The following SRGAP1 variants were observed in gnomAD, a reference collection of about 807,000 sequenced individuals.
SRGAP1 encodes SLIT-ROBO Rho GTPase activating protein 1, also known as SLIT-ROBO Rho GTPase-activating protein 1.
SRGAP1 carries 43 observed loss-of-function variants against 121.9 expected under a neutral mutation model. That is an observed-to-expected ratio of 0.35 (90% CI 0.28 to 0.46). SRGAP1 has a LOEUF of 0.46. SRGAP1 is among the 20% of genes least tolerant of loss of function. The pLI, the probability that SRGAP1 is intolerant of heterozygous loss-of-function variation, is 1.00. For missense variants in SRGAP1, 1,102 were observed against 1,350.9 expected, an observed-to-expected ratio of 0.82 and a Z score of 2.89; for synonymous variants, 447 against 485.4, an observed-to-expected ratio of 0.92 and a Z score of 1.04.
At chr12:64,136,374 A>G (rs2036856083) in intron 21 of SRGAP1, among the ~76,000 whole-genome samples, 1 of 152,148 alleles carries the variant, frequency 6.6e-6, no homozygotes, top group East Asian at 1.9e-4. Flanking sequence ...CTCCAAATAT[A>G]TGTATGTTTA....
chr12:64,094,969 G>GTA lies in SRGAP1; in HGVS notation c.1579_1580dup (p.Arg528PhefsTer54). ...GTTATTCCCCTCATTGTGGAAAGCT[G>GTA]TATTCGGTTCATCAATCTCTATGGT... On this transcript the variant is annotated frameshift_variant, in exon 13 of 22. Transcript: ENST00000355086. LOFTEE classifies it high-confidence loss of function. 6.2e-7 allele frequency: 1 copy of GTA among 1,614,106 alleles called. No individual in the cohort carries two copies. Among genetic ancestry groups the GTA allele is most frequent in the Non-Finnish European group, 8.5e-7 (1 of 1,179,986 alleles).
At chr12:63,928,855 C>A (rs2031359584) in intron 1 of SRGAP1, among the ~76,000 whole-genome samples, 1 of 152,140 alleles carries the variant, frequency 6.6e-6, no homozygotes, top group African/African-American at 2.4e-5. Context: ...CAACTTAGAT[C>A]CCTTGCATGT....
Position 64,126,134 on chromosome 12 carries a change from C to T in SRGAP1, c.2382C>T (p.His794=), listed in dbSNP as rs2136636237. The change falls in exon 19 of 22, where the codon CAC becomes CAT. Residue 794 remains histidine (H), a synonymous_variant. Coordinates refer to ENST00000355086, the MANE Select transcript of SRGAP1 (RefSeq NM_020762.4). Reference sequence around the variant, plus strand: ...ACGGGATTGACGGGCTGGTGCCTCACCAGTATATAGTGGTGCAGGATATGT... The same window carrying T: ...ACGGGATTGACGGGCTGGTGCCTCATCAGTATATAGTGGTGCAGGATATGT... ...RHNGIDGLVP[H]QYIVVQDMDD... is the part of the protein sequence containing the mutation. 6.2e-7 allele frequency: 1 copy of T among 1,614,130 alleles called. No individual in the cohort carries two copies. The highest frequency in any genetic ancestry group is 2.2e-5 in the East Asian group (1 of 44,882).
Position 63,844,703 on chromosome 12 carries a change from C to G in SRGAP1, c.-114C>G. The G allele has an allele frequency of 1.0e-6, 1 of 992,242 alleles. No individual in the cohort carries two copies. Among genetic ancestry groups the G allele is most frequent in the Non-Finnish European group, 1.6e-6 (1 of 613,206 alleles). The allele number at this position is 992,242 out of a possible 1,614,324, so 61.5% of individuals were successfully genotyped here. ...TCCCTCCTCCCTTCCCTCGGGTCGG[C>G]GCTGCCTCTGGATTGCCTGCGTGTG... is the stretch of plus-strand genomic sequence containing the variant. On this transcript the variant is annotated 5_prime_UTR_variant, in exon 1 of 22. Transcript: ENST00000355086. This position sits in a 1 kb window ranked among gnomAD's most constrained non-coding sequence, Gnocchi z 4.3.
chr12:63,866,078 C>G (rs1899620335), intron 1 of SRGAP1, among the ~76,000 whole-genome samples: 3 of 152,130 alleles, frequency 2.0e-5, no homozygotes. Flanking sequence ...TTTTGCTCAG[C>G]TCATGAGGCA....
intron 3 of SRGAP1, 111 bp downstream of exon 3, chr12:63,990,183 C>T: frequency 3.6e-6 from 3 of 832,434 alleles, no homozygotes; most frequent in South Asian, 1.9e-5. Context: ...CCTTTAGAGA[C>T]ACAGAATAAA....
chr12:63,936,262 A>C (rs1479758269), intron 1 of SRGAP1, among the ~76,000 whole-genome samples: 1 of 152,198 alleles, frequency 6.6e-6, no homozygotes, highest in African/African-American at 2.4e-5. Context: ...TGAAGAGTAG[A>C]TAATACCATA....
At chr12:63,986,705 G>T (rs115275125) in intron 2 of SRGAP1, among the ~76,000 whole-genome samples, 3 of 152,188 alleles carry the variant, frequency 2.0e-5, no homozygotes, top group Non-Finnish European at 4.4e-5. Flanking sequence ...TGACAGGTGT[G>T]AGCCACTGTG....
intron 1 of SRGAP1, among the ~76,000 whole-genome samples, chr12:63,899,408 A>G (rs1249234769): frequency 6.6e-6 from 1 of 152,218 alleles, no homozygotes; most frequent in Non-Finnish European, 1.5e-5. Flanking sequence ...GTTAAAAGAA[A>G]AACCTTAGAC....
intron 1 of SRGAP1, among the ~76,000 whole-genome samples, chr12:63,945,319 G>T (rs1046799077): frequency 1.3e-5 from 2 of 151,456 alleles, no homozygotes; most frequent in Non-Finnish European, 2.9e-5. Flanking sequence ...AGAACGCGCA[G>T]GTTTGTTACA....
intron 10 of SRGAP1, among the ~76,000 whole-genome samples, chr12:64,082,669 C>T (rs373165062): frequency 2.0e-5 from 3 of 152,098 alleles, no homozygotes; most frequent in African/African-American, 4.8e-5. Context: ...AGGCTGGTCT[C>T]GAACTCCTGA....
intron 7 of SRGAP1, among the ~76,000 whole-genome samples, chr12:64,064,076 T>C (rs1297751191): frequency 1.3e-5 from 2 of 152,180 alleles, no homozygotes; most frequent in Admixed American, 6.5e-5. Context: ...ATCCCATCTT[T>C]CCAAAACCAA....
intron 6 of SRGAP1, among the ~76,000 whole-genome samples, chr12:64,062,055 G>A (rs1035498339): frequency 6.6e-6 from 1 of 152,020 alleles, no homozygotes; most frequent in South Asian, 2.1e-4. Flanking sequence ...GAGCAGATTT[G>A]CTGAGTCATA....
intron 6 of SRGAP1, among the ~76,000 whole-genome samples, chr12:64,056,443 G>A (rs1029532461): frequency 1.3e-5 from 2 of 150,930 alleles, no homozygotes; most frequent in African/African-American, 2.4e-5. Flanking sequence ...ATCCCAACTA[G>A]TTGGGAGGAT....
In SRGAP1 at chr12:64,154,468, C is replaced by T. The variant is rs1427731281; in HGVS notation, c.*11796C>T. 2 of 151,738 alleles carry T rather than the reference C, an allele frequency of 1.3e-5. No individual in the cohort carries two copies. Among genetic ancestry groups the T allele is most frequent in the Admixed American group, 6.6e-5 (1 of 15,194 alleles). The allele number at this position is 151,738 out of a possible 1,614,324, so 9.4% of individuals were successfully genotyped here. On this transcript the variant is annotated 3_prime_UTR_variant, in exon 22 of 22. Transcript: ENST00000355086. ...GGTAGAAGGAGAGGAAGGGATGAAC[C>T]GGGGGTTCGTTTCAGAGTCAAAATC... is the stretch of plus-strand genomic sequence containing the variant.
At chr12:63,912,662 TTGCTC>T (rs2030557232) in intron 1 of SRGAP1, among the ~76,000 whole-genome samples, 1 of 152,076 alleles carries the variant, frequency 6.6e-6, no homozygotes, top group Admixed American at 6.6e-5. Context: ...ACACTGTTTG[TTGCTC>T]TGCCATTCTG....
intron 5 of SRGAP1, 82 bp from the exon 6 acceptor site, chr12:64,043,365 A>G: frequency 7.4e-7 from 1 of 1,358,918 alleles, no homozygotes; most frequent in Non-Finnish European, 1.0e-6. Flanking sequence ...GTTAAGGTTA[A>G]TAAAAATGCA....
chr12:64,091,825 A>G, intron 12 of SRGAP1: 1 of 1,278,652 alleles, frequency 7.8e-7, no homozygotes, highest in Non-Finnish European at 1.1e-6. Context: ...TATGATCTAT[A>G]CCTTGTACCT....
At chr12:63,988,342 G>A (rs2136415795) in intron 2 of SRGAP1, among the ~76,000 whole-genome samples, 1 of 152,294 alleles carries the variant, frequency 6.6e-6, no homozygotes, top group Non-Finnish European at 1.5e-5. Context: ...ATAGGGCTGG[G>A]TAGATAGGAA....
Sources: allele counts gnomAD v4.1 joint callset (sites outside exome capture counted in the v4.1 genomes callset), GRCh38; gene constraint gnomAD v4.1.1; non-coding constraint Gnocchi (gnomAD v3.1); transcripts MANE v1.5; gene names NCBI Gene and HGNC (gene_info 2026-07-23, HGNC 2026-07-21).